CNST: variants seen among roughly 807,000 people sequenced by gnomAD.
The protein encoded by CNST is consortin.
CNST carries 39 observed loss-of-function variants against 72.4 expected under a neutral mutation model. The observed-to-expected ratio is 0.54, with a 90% CI of 0.42 to 0.70. The LOEUF (loss-of-function observed/expected upper bound fraction) is 0.70. CNST is among the 30% of genes least tolerant of loss of function. The pLI, the probability that CNST is intolerant of heterozygous loss-of-function variation, is 0.00. For missense variants in CNST, 871 were observed against 868.5 expected, an observed-to-expected ratio of 1.00 and a Z score of -0.04; for synonymous variants, 332 against 320.1, an observed-to-expected ratio of 1.04 and a Z score of -0.40.
chr1:246,576,406 T>G (rs1660433491), intron 1 of CNST, among the ~76,000 whole-genome samples: 1 of 149,636 alleles, frequency 6.7e-6, no homozygotes. Context: ...TTATTTTAAC[T>G]TTATTGATTT....
intron 1 of CNST, among the ~76,000 whole-genome samples, chr1:246,588,509 C>G (rs1225088381): frequency 5.3e-5 from 8 of 152,114 alleles, no homozygotes; most frequent in Non-Finnish European, 1.2e-4. Context: ...TGGAGTGATT[C>G]ACCATGAGCC....
intron 8 of CNST, among the ~76,000 whole-genome samples, chr1:246,644,007 T>C (rs1319967908): frequency 1.3e-5 from 2 of 152,188 alleles, no homozygotes; most frequent in Non-Finnish European, 2.9e-5. Flanking sequence ...TGTAAGTGGT[T>C]GTATTTCGTG....
chr1:246,639,264 A>T (rs1025043702), intron 6 of CNST, among the ~76,000 whole-genome samples: 6 of 152,122 alleles, frequency 3.9e-5, no homozygotes, highest in Non-Finnish European at 8.8e-5. Context: ...TCTGGACCAG[A>T]CGGAAAGGGT....
chr1:246,623,440 C>A (rs886784651), intron 3 of CNST, among the ~76,000 whole-genome samples: 2 of 151,970 alleles, frequency 1.3e-5, no homozygotes, highest in Non-Finnish European at 2.9e-5. Flanking sequence ...ATTCTCAGGG[C>A]AAACAGAAAA....
At chr1:246,640,744 A>AATAT (rs1416701463) in intron 6 of CNST, among the ~76,000 whole-genome samples, 1 of 152,236 alleles carries the variant, frequency 6.6e-6, no homozygotes, top group Non-Finnish European at 1.5e-5. Context: ...CTCACTAACA[A>AATAT]ATATTTATTG....
intron 1 of CNST, among the ~76,000 whole-genome samples, chr1:246,585,417 C>T (rs537454413): frequency 4.6e-5 from 7 of 151,566 alleles, no homozygotes; most frequent in South Asian, 2.1e-4. Context: ...GAGGCCGAGG[C>T]GGGCAAATCA....
At chr1:246,645,300 GAAA>G (rs748024794) in intron 8 of CNST, among the ~76,000 whole-genome samples, 1 of 139,018 alleles carries the variant, frequency 7.2e-6, no homozygotes, top group East Asian at 2.0e-4. Context: ...GAAAAAGAAA[GAAA>G]AAAAAAGTAT....
chr1:246,662,642 C>T (rs1257237901), intron 10 of CNST, among the ~76,000 whole-genome samples: 1 of 152,146 alleles, frequency 6.6e-6, no homozygotes, highest in African/African-American at 2.4e-5. Flanking sequence ...CTGCCTGCCT[C>T]GGCCTCCCAA....
intron 1 of CNST, among the ~76,000 whole-genome samples, chr1:246,567,765 T>G (rs1312597664): frequency 6.6e-6 from 1 of 152,216 alleles, no homozygotes; most frequent in East Asian, 1.9e-4. Flanking sequence ...GCTTAAATTC[T>G]TTTTTCGTAC....
rs1449682428 is a variant in CNST at position 246,651,823 on chromosome 1, CCTT to C, written c.1836+3787_1836+3789del. Reference sequence around the variant, plus strand: ...TAAAAAGCATCAAAAATTTTATCCTCCTTTCATAGATTTTTAAGAAAAAAAATG... The same window carrying C: ...TAAAAAGCATCAAAAATTTTATCCTCTCATAGATTTTTAAGAAAAAAAATG... On this transcript the variant is annotated intron_variant, in intron 9 of 10. Coordinates refer to ENST00000366513, the MANE Select transcript of CNST (RefSeq NM_152609.3). 3.3e-5 allele frequency among the ~76,000 whole-genome samples: 5 copies of C among 152,252 alleles called. No homozygotes were observed. The East Asian group carries it at 9.6e-4, about 29-fold the overall frequency.
intron 1 of CNST, among the ~76,000 whole-genome samples, chr1:246,583,831 G>A (rs1660954970): frequency 6.6e-6 from 1 of 152,230 alleles, no homozygotes; most frequent in South Asian, 2.1e-4. Flanking sequence ...TGGGGCAGGA[G>A]CATCGTGTTC....
chr1:246,618,271 A>G (rs1181222590), intron 2 of CNST, among the ~76,000 whole-genome samples: 1 of 152,234 alleles, frequency 6.6e-6, no homozygotes, highest in Non-Finnish European at 1.5e-5. Context: ...AGGAAACTAT[A>G]TAGGTCAGCA....
chr1:246,652,570 A>G (rs1318511798), intron 9 of CNST, among the ~76,000 whole-genome samples: 1 of 152,246 alleles, frequency 6.6e-6, no homozygotes, highest in African/African-American at 2.4e-5. Flanking sequence ...ATCTACATTT[A>G]TAATCTGCTT....
At chr1:246,642,135 T>TTG in intron 8 of CNST, 98 bp downstream of exon 8, 2 of 286,492 alleles carry the variant, frequency 7.0e-6, no homozygotes, top group Non-Finnish European at 1.2e-5. Flanking sequence ...AGGATCTGGT[T>TTG]TTTTTTTTTT....
chr1:246,651,165 A>G (rs1397990575), intron 9 of CNST, among the ~76,000 whole-genome samples: 1 of 151,976 alleles, frequency 6.6e-6, no homozygotes, highest in Non-Finnish European at 1.5e-5. Context: ...TCCGTTTGTG[A>G]TTAGAGGATA....
intron 1 of CNST, among the ~76,000 whole-genome samples, chr1:246,591,067 A>C (rs1402957386): frequency 6.6e-6 from 1 of 152,180 alleles, no homozygotes; most frequent in Non-Finnish European, 1.5e-5. Context: ...TAGCCAGAGA[A>C]GAACTTATAC....
At chr1:246,591,490 T>C in intron 1 of CNST, 22 bp from the exon 2 acceptor site, 1 of 1,539,896 alleles carries the variant, frequency 6.5e-7, no homozygotes, top group Non-Finnish European at 8.8e-7. Context: ...ATGAAGTAGC[T>C]TTTTTCTTTT....
chr1:246,626,543 C>T (rs566555693), intron 3 of CNST, among the ~76,000 whole-genome samples: 17 of 148,176 alleles, frequency 1.1e-4, no homozygotes, highest in African/African-American at 3.7e-4. Context: ...CTACAACCTC[C>T]GCTTCCCGAG....
chr1:246,633,082 G>C (rs986085861), intron 4 of CNST, among the ~76,000 whole-genome samples: 1 of 152,184 alleles, frequency 6.6e-6, no homozygotes, highest in Non-Finnish European at 1.5e-5. Context: ...TTTAGTTTCT[G>C]TTTGCCGATA....
Sources: gnomAD v4.1 joint callset for allele counts (sites outside exome capture counted in the v4.1 genomes callset) on GRCh38, gnomAD v4.1.1 for gene constraint, MANE v1.5 for transcripts, NCBI Gene and HGNC (gene_info 2026-07-23, HGNC 2026-07-21) for gene names.